The following PDE7B variants were observed in gnomAD, a reference collection of about 807,000 sequenced individuals.
PDE7B encodes the protein 3',5'-cyclic-AMP phosphodiesterase 7B.
Under a neutral mutation model 56.2 loss-of-function variants are expected in PDE7B, and 29 were observed. That is an observed-to-expected ratio of 0.52 (90% CI 0.38 to 0.70). The LOEUF is 0.70. Ranked by LOEUF, PDE7B falls within the 30% of genes least tolerant of loss-of-function variation. The pLI, the probability that PDE7B is intolerant of heterozygous loss-of-function variation, is 0.00. For synonymous variants in PDE7B, 197 were observed against 196.9 expected (o/e 1.00, Z 0.00); for missense variants, 490 against 565.0 (o/e 0.87, Z 1.35).
chr6:136,087,566 G>A (rs1270116056), intron 2 of PDE7B, among the ~76,000 whole-genome samples: 2 of 152,064 alleles, frequency 1.3e-5, no homozygotes, highest in Admixed American at 6.6e-5. Context: ...TTTCACTTTG[G>A]CTTTCTATAA....
At position 135,950,708 on chromosome 6, in the gene PDE7B, G is replaced by A. The variant is rs144211649; in HGVS notation, c.82+3184G>A. ...TACTGGTTTCAGCACAGTTGGGGTGGAATCTGGAGAAGGGTCACTAGCCAG... is the reference window on the plus strand; with the variant it reads ...TACTGGTTTCAGCACAGTTGGGGTGAAATCTGGAGAAGGGTCACTAGCCAG... On this transcript the variant is annotated intron_variant, in intron 2 of 12. Coordinates refer to ENST00000308191, the MANE Select transcript of PDE7B (RefSeq NM_018945.4). Among the ~76,000 whole-genome samples the A allele has an allele frequency of 1.6e-3, 237 of 152,168 alleles. 1 individual carries two copies. The East Asian group carries it at 0.027, about 17-fold the overall frequency.
chr6:136,047,929 TACTCTATGGG>T (rs1158407654), intron 2 of PDE7B, among the ~76,000 whole-genome samples: 1 of 152,208 alleles, frequency 6.6e-6, no homozygotes, highest in Non-Finnish European at 1.5e-5. Context: ...GTGGAAATAA[TACTCTATGGG>T]AACGTAGAGG....
intron 1 of PDE7B, among the ~76,000 whole-genome samples, chr6:135,863,371 A>T (rs1240803039): frequency 6.6e-6 from 1 of 152,110 alleles, no homozygotes; most frequent in Non-Finnish European, 1.5e-5. Flanking sequence ...TATAAAATTT[A>T]AACTAGTATT....
chr6:136,111,665 C>T (rs1185112748), intron 3 of PDE7B, among the ~76,000 whole-genome samples: 2 of 152,156 alleles, frequency 1.3e-5, no homozygotes, highest in Non-Finnish European at 2.9e-5. Flanking sequence ...CATTCACGTC[C>T]TTGTTGTGGT....
In PDE7B at chr6:136,027,716, G is replaced by A. The variant is rs1273749733; in HGVS notation, c.82+80192G>A. Among the ~76,000 whole-genome samples, 7 of 152,036 alleles carry A rather than the reference G, an allele frequency of 4.6e-5. No individual in the cohort carries two copies. In the South Asian group the frequency reaches 6.2e-4, roughly 14 times the overall value. On this transcript the variant is annotated intron_variant, in intron 2 of 12. Coordinates refer to ENST00000308191, the MANE Select transcript of PDE7B (RefSeq NM_018945.4). ...GGCTCACTGCAACCTCCACCTCCCG[G>A]CTTCAAGCAATTCTCCTGCCTCAGC... is the stretch of plus-strand genomic sequence containing the variant.
intron 2 of PDE7B, chr6:136,098,144 G>GGGC (rs1777500935): frequency 7.7e-6 from 1 of 129,170 alleles, no homozygotes; most frequent in African/African-American, 3.2e-5. Context: ...GGGGGGGGGG[G>GGGC]GGGAAATATA....
At chr6:135,911,605 C>A (rs1440669874) in intron 1 of PDE7B, among the ~76,000 whole-genome samples, 1 of 152,092 alleles carries the variant, frequency 6.6e-6, no homozygotes, top group Non-Finnish European at 1.5e-5. Context: ...GATTTTTCAC[C>A]ATGCTATCTA....
chr6:136,108,815 G>A lies in PDE7B; in HGVS notation c.166+1G>A. 3.2e-6 allele frequency: 5 copies of A among 1,557,102 alleles called. No individual in the cohort carries two copies. Among genetic ancestry groups the A allele is most frequent in the Non-Finnish European group, 4.4e-6 (5 of 1,128,206 alleles). Reference sequence around the variant, plus strand: ...TTCATTGACTTCCGCCTACTTAACAGTGAGTAATCAAGTGTACCTGGAAAG... The same window carrying A: ...TTCATTGACTTCCGCCTACTTAACAATGAGTAATCAAGTGTACCTGGAAAG... On this transcript the variant is annotated splice_donor_variant, in intron 3 of 12. Coordinates refer to ENST00000308191, the MANE Select transcript of PDE7B (RefSeq NM_018945.4). LOFTEE classifies it high-confidence loss of function.
chr6:135,960,637 T>A (rs533572121), intron 2 of PDE7B, among the ~76,000 whole-genome samples: 1 of 152,202 alleles, frequency 6.6e-6, no homozygotes, highest in African/African-American at 2.4e-5. Flanking sequence ...TTCTGAGAAA[T>A]GTCTAGTTTT....
chr6:136,094,444 C>T (rs1039974218), intron 2 of PDE7B, among the ~76,000 whole-genome samples: 1 of 152,068 alleles, frequency 6.6e-6, no homozygotes, highest in Admixed American at 6.6e-5. Flanking sequence ...TTTGCTGTTC[C>T]CTGAGCCTGA....
At chr6:136,014,385 A>C (rs992946174) in intron 2 of PDE7B, among the ~76,000 whole-genome samples, 1 of 152,216 alleles carries the variant, frequency 6.6e-6, no homozygotes, top group African/African-American at 2.4e-5. Flanking sequence ...TTCTGTGTGC[A>C]TGTATACACA....
Position 135,851,858 on chromosome 6 carries a change from C to CTTTTTTTTTTTTTTTT in PDE7B, c.-128_-127insTTTTTTTTTTTTTTTT. 2.0e-6 allele frequency: 1 copy of CTTTTTTTTTTTTTTTT among 508,638 alleles called. No homozygotes were observed. Among genetic ancestry groups the CTTTTTTTTTTTTTTTT allele is most frequent in the Non-Finnish European group, 3.5e-6 (1 of 282,606 alleles). The allele number at this position is 508,638 out of a possible 1,614,324, so 31.5% of individuals were successfully genotyped here. A position where few individuals can be genotyped will look rare whatever the true frequency, so the allele number is the denominator to read the frequency against. On this transcript the variant is annotated 5_prime_UTR_variant, in exon 1 of 13. Coordinates refer to ENST00000308191, the MANE Select transcript of PDE7B (RefSeq NM_018945.4). ...TTCTTTATTTCTTTTCCTTTTTTTT[C>CTTTTTTTTTTTTTTTT]TTTTTTTTTTTTTGTTACTTAATTA...
chr6:135,992,210 TAA>T (rs11286794), intron 2 of PDE7B, among the ~76,000 whole-genome samples: 4,785 of 142,302 alleles, frequency 0.034, 218 homozygotes, highest in African/African-American at 0.11. Context: ...CCTGATGAGC[TAA>T]AAAAAAAAAA....
chr6:135,952,458 T>C (rs1430619521), intron 2 of PDE7B, among the ~76,000 whole-genome samples: 2 of 152,164 alleles, frequency 1.3e-5, no homozygotes, highest in African/African-American at 2.4e-5. Flanking sequence ...GTGCTTAGCA[T>C]TGAGAATCCA....
intron 2 of PDE7B, among the ~76,000 whole-genome samples, chr6:135,999,629 T>C (rs1046450609): frequency 1.3e-5 from 2 of 152,164 alleles, no homozygotes; most frequent in East Asian, 3.8e-4. Context: ...TTCCATTATG[T>C]ATATATACAA....
intron 2 of PDE7B, among the ~76,000 whole-genome samples, chr6:135,989,351 C>T (rs1283525363): frequency 6.6e-5 from 10 of 152,158 alleles, no homozygotes; most frequent in Non-Finnish European, 1.3e-4. Flanking sequence ...CGATGGCTCA[C>T]GCCTGTAATC....
At chr6:135,888,191 G>T (rs1017846302) in intron 1 of PDE7B, among the ~76,000 whole-genome samples, 1 of 152,130 alleles carries the variant, frequency 6.6e-6, no homozygotes, top group Non-Finnish European at 1.5e-5. Flanking sequence ...TTTATAAACT[G>T]AGGCTTACAG....
chr6:135,990,139 AGGCT>A (rs1320945669), intron 2 of PDE7B, among the ~76,000 whole-genome samples: 2 of 141,096 alleles, frequency 1.4e-5, no homozygotes, highest in African/African-American at 5.3e-5. Flanking sequence ...TCTATCGCCC[AGGCT>A]GGAGTGCAAT....
chr6:135,983,155 CAA>C, intron 2 of PDE7B, among the ~76,000 whole-genome samples: 1 of 152,138 alleles, frequency 6.6e-6, no homozygotes, highest in South Asian at 2.1e-4. Flanking sequence ...GGTAGGTAGA[CAA>C]AAAATTTAAG....
Sources: gnomAD v4.1 joint callset for allele counts (sites outside exome capture counted in the v4.1 genomes callset) on GRCh38, gnomAD v4.1.1 for gene constraint, MANE v1.5 for transcripts, NCBI Gene and HGNC (gene_info 2026-07-23, HGNC 2026-07-21) for gene names.